The following CC2D2B variants were observed in gnomAD, a reference collection of about 807,000 sequenced individuals.
CC2D2B encodes coiled-coil and C2 domain containing 2B, also known as protein CC2D2B.
In CC2D2B, 128 loss-of-function variants were observed where a neutral mutation model predicts 161.2. The ratio of observed to expected loss-of-function variants is 0.79; its 90% CI spans 0.69 to 0.92. The LOEUF (loss-of-function observed/expected upper bound fraction) is 0.92. Among genes scored for constraint, CC2D2B ranks in the 40% least tolerant of loss-of-function variants. The probability of loss-of-function intolerance (pLI) is 0.00; values close to 1 mark genes in which losing one functional copy is unlikely to be tolerated. For synonymous variants in CC2D2B, 391 were observed against 449.8 expected (o/e 0.87, Z 1.65); for missense variants, 1,173 against 1,375.1 (o/e 0.85, Z 2.32).
chr10:95,990,650 G>T (rs1156549543), intron 20 of CC2D2B, among the ~76,000 whole-genome samples: 1 of 152,172 alleles, frequency 6.6e-6, no homozygotes, highest in East Asian at 1.9e-4. Flanking sequence ...CCCGCTTCAA[G>T]AAGATAACTA....
intron 11 of CC2D2B, among the ~76,000 whole-genome samples, chr10:95,956,629 A>G (rs1697093126): frequency 6.6e-6 from 1 of 152,154 alleles, no homozygotes; most frequent in Non-Finnish European, 1.5e-5. Context: ...TTGTACTAGC[A>G]GAGAACCTGT....
At position 96,012,372 on chromosome 10, in the gene CC2D2B, G is replaced by A. The variant is rs2079030523; in HGVS notation, c.3228+5G>A. 3.0e-6 allele frequency: 2 copies of A among 676,326 alleles called. No individual in the cohort carries two copies. Among genetic ancestry groups the A allele is most frequent in the Non-Finnish European group, 5.3e-6 (2 of 376,680 alleles). The allele number at this position is 676,326 out of a possible 1,614,324, so 41.9% of individuals were successfully genotyped here. A position where few individuals can be genotyped will look rare whatever the true frequency, so the allele number is the denominator to read the frequency against. ...TGTAATCCAACACTAGATAAGGTAG[G>A]TTTTACATTGAATTTCTTTTATATA... On this transcript the variant is annotated splice_donor_5th_base_variant and intron_variant, in intron 27 of 34. Transcript: ENST00000646931.
intron 21 of CC2D2B, among the ~76,000 whole-genome samples, chr10:95,992,136 C>T (rs558724891): frequency 2.0e-5 from 3 of 152,210 alleles, no homozygotes; most frequent in East Asian, 1.9e-4. Flanking sequence ...CCTGGGTTGG[C>T]GGCATATATA....
chr10:95,974,378 TGA>T (rs1335436893), intron 17 of CC2D2B, among the ~76,000 whole-genome samples: 6 of 152,216 alleles, frequency 3.9e-5, no homozygotes, highest in Non-Finnish European at 7.3e-5. Flanking sequence ...ACACAGATGA[TGA>T]GAGAGGCATT....
chr10:95,971,255 G>C (rs986905666), intron 15 of CC2D2B, among the ~76,000 whole-genome samples: 5 of 152,004 alleles, frequency 3.3e-5, no homozygotes, highest in Middle Eastern at 6.8e-3. Flanking sequence ...CAGGTGTGGT[G>C]GTGGGCACCT....
At chr10:95,937,883 A>G in intron 6 of CC2D2B, 108 bp from the exon 7 acceptor site, 2 of 660,460 alleles carry the variant, frequency 3.0e-6, no homozygotes, top group Non-Finnish European at 5.3e-6. Flanking sequence ...TGTGGGTGGC[A>G]GGATCAGACG....
intron 15 of CC2D2B, among the ~76,000 whole-genome samples, chr10:95,970,106 G>A (rs1281343999): frequency 1.3e-5 from 2 of 150,354 alleles, no homozygotes; most frequent in African/African-American, 4.9e-5. Flanking sequence ...TGTGATCCCA[G>A]CCACCACAAC....
At chr10:95,913,359 T>G (rs1042671421) in intron 2 of CC2D2B, 3 of 375,694 alleles carry the variant, frequency 8.0e-6, no homozygotes, top group Non-Finnish European at 1.6e-5. Context: ...TCTTTATCCA[T>G]TTATCTGTTG....
intron 12 of CC2D2B, among the ~76,000 whole-genome samples, chr10:95,964,489 C>T (rs1001593412): frequency 2.6e-5 from 4 of 152,098 alleles, no homozygotes. Context: ...TTACTGATGT[C>T]GTATTGATTG....
chr10:95,908,317 T>C (rs2098499727), intron 1 of CC2D2B, among the ~76,000 whole-genome samples: 1 of 152,222 alleles, frequency 6.6e-6, no homozygotes, highest in South Asian at 2.1e-4. Context: ...ATTAATTCAG[T>C]GCCTACTGTG....
At chr10:96,005,154 T>C (rs1460567279) in intron 25 of CC2D2B, among the ~76,000 whole-genome samples, 1 of 152,196 alleles carries the variant, frequency 6.6e-6, no homozygotes, top group African/African-American at 2.4e-5. Flanking sequence ...ATGATCGAAA[T>C]TGGTAACGGG....
In CC2D2B at chr10:95,988,283, G is replaced by A. The variant is rs7900838; in HGVS notation, c.2320G>A (p.Val774Ile). 0.58 allele frequency: 712,095 copies of A among 1,218,618 alleles called. 210,307 individuals are homozygous for A. The highest frequency in any genetic ancestry group is 0.79 in the East Asian group (25,083 of 31,576). The allele number at this position is 1,218,618 out of a possible 1,614,324, so 75.5% of individuals were successfully genotyped here. A position where few individuals can be genotyped will look rare whatever the true frequency, so the allele number is the denominator to read the frequency against. Residue 774 changes from valine (V) to isoleucine (I), a missense_variant, in exon 20 of 35, where the codon GTT becomes ATT. This residue lies in a region of CC2D2B where 277 missense variants were observed against 420.6 expected (regional missense o/e 0.66). Coordinates refer to ENST00000646931, the MANE Select transcript of CC2D2B (RefSeq NM_001349008.3). The stretch of plus-strand genomic sequence containing the variant: ...AAGTCAGAAAGAGAAGGAGGTATCC[G>A]TTTCAGATGTAAATTCTATTACAGC... ...YESQKEKEVS[V>I]SDVNSITAQR...
At chr10:95,917,669 A>G (rs1335662841) in intron 2 of CC2D2B, among the ~76,000 whole-genome samples, 1 of 152,220 alleles carries the variant, frequency 6.6e-6, no homozygotes, top group Non-Finnish European at 1.5e-5. Context: ...ACAAACAAGG[A>G]GAAAACTAAT....
chr10:96,025,146 T>TAA (rs58200004), intron 33 of CC2D2B, among the ~76,000 whole-genome samples: 1,431 of 29,692 alleles, frequency 0.048, 119 homozygotes, highest in Non-Finnish European at 0.051. Context: ...TCATCTCTAC[T>TAA]AAAAAAAAAT....
chr10:95,947,130 T>G (rs2076246922), intron 9 of CC2D2B, among the ~76,000 whole-genome samples: 1 of 97,160 alleles, frequency 1.0e-5, no homozygotes, highest in African/African-American at 4.3e-5. Flanking sequence ...TTTTTTTTTT[T>G]GAGACAAAGT....
intron 17 of CC2D2B, among the ~76,000 whole-genome samples, chr10:95,974,753 T>A (rs2077255677): frequency 6.6e-6 from 1 of 152,026 alleles, no homozygotes; most frequent in Non-Finnish European, 1.5e-5. Context: ...TAAACGGAAA[T>A]GAAAAGCTTC....
intron 11 of CC2D2B, among the ~76,000 whole-genome samples, chr10:95,959,932 A>G (rs1480319708): frequency 6.6e-6 from 1 of 152,206 alleles, no homozygotes; most frequent in African/African-American, 2.4e-5. Flanking sequence ...ACCTGAAAAA[A>G]GTGTAATAAA....
chr10:95,912,028 G>GT (rs1177290996), intron 2 of CC2D2B, among the ~76,000 whole-genome samples: 1 of 152,122 alleles, frequency 6.6e-6, no homozygotes, highest in Non-Finnish European at 1.5e-5. Flanking sequence ...AGATTTTGAA[G>GT]TTTTTTCGGA....
rs2077158249 is a variant in CC2D2B, at chr10:95,972,148, C to G, written c.1727C>G (p.Thr576Ser). 1.6e-6 allele frequency: 2 copies of G among 1,231,826 alleles called. No individual in the cohort carries two copies. The highest frequency in any genetic ancestry group is 3.1e-5 in the African/African-American group (2 of 64,504). The allele number at this position is 1,231,826 out of a possible 1,614,324, so 76.3% of individuals were successfully genotyped here. Reference protein sequence around the residue: ...LPNYTELKGKTALQYVEFSSD... With the variant: ...LPNYTELKGKSALQYVEFSSD... The stretch of plus-strand genomic sequence containing the variant: ...AACTACACAGAGCTGAAAGGCAAAA[C>G]CGCTTTGCAATATGTAGAGTTTAGC... The change falls in exon 16 of 35, where the codon ACC becomes AGC. Residue 576 changes from threonine (T) to serine (S), a missense_variant. Transcript: ENST00000646931.
Sources: gnomAD v4.1 joint callset for allele counts (sites outside exome capture counted in the v4.1 genomes callset) on GRCh38, gnomAD v4.1.1 for gene constraint, gnomAD v4.1.1 regional missense constraint, MANE v1.5 for transcripts, NCBI Gene and HGNC (gene_info 2026-07-23, HGNC 2026-07-21) for gene names.